Variants in WDPCP observed in about 807,000 individuals in gnomAD.
WDPCP encodes the protein WD repeat containing planar cell polarity effector.
Under a neutral mutation model 93.1 loss-of-function variants are expected in WDPCP, and 71 were observed. The ratio of observed to expected loss-of-function variants is 0.76; its 90% CI spans 0.63 to 0.93. WDPCP has a LOEUF of 0.93. Among genes scored for constraint, WDPCP ranks in the 40% least tolerant of loss-of-function variants. The pLI, the probability that WDPCP is intolerant of heterozygous loss-of-function variation, is 0.00. For missense variants in WDPCP, 844 were observed against 887.4 expected, an observed-to-expected ratio of 0.95 and a Z score of 0.62; for synonymous variants, 315 against 315.0, an observed-to-expected ratio of 1.00 and a Z score of 0.00.
At chr2:63,650,504 T>C (rs1389630217) in intron 3 of WDPCP, among the ~76,000 whole-genome samples, 1 of 152,212 alleles carries the variant, frequency 6.6e-6, no homozygotes, top group Non-Finnish European at 1.5e-5. Flanking sequence ...TTACTTGTCT[T>C]ATATGATCCA....
intron 2 of WDPCP, among the ~76,000 whole-genome samples, chr2:63,732,212 A>G (rs1054083700): frequency 3.9e-5 from 6 of 152,262 alleles, no homozygotes; most frequent in African/African-American, 1.4e-4. Context: ...CATTTAAGAC[A>G]TATAAAGAAT....
Position 63,746,995 on chromosome 2 carries a change from A to G in WDPCP, n.308+66627T>C, listed in dbSNP as rs139200698. The stretch of plus-strand genomic sequence containing the variant: ...CCTGCCTACATGTGATGTCTCTCCC[A>G]GACACCCAGCTTTAAAATTTCTCTC... On this transcript the variant is annotated intron_variant and non_coding_transcript_variant, in intron 2 of 4. Coordinates refer to the WDPCP transcript ENST00000467687. Among the ~76,000 whole-genome samples the G allele has an allele frequency of 4.1e-3, 625 of 152,132 alleles. 3 individuals are homozygous for G. Among genetic ancestry groups the G allele is most frequent in the African/African-American group, 0.014 (585 of 41,504 alleles).
intron 1 of WDPCP, among the ~76,000 whole-genome samples, chr2:63,529,781 C>T (rs148697861): frequency 6.6e-6 from 1 of 152,148 alleles, no homozygotes; most frequent in African/African-American, 2.4e-5. Context: ...GGTACCAGCT[C>T]CTCCTTGTAT....
chr2:63,726,102 A>G (rs1450335261), intron 2 of WDPCP, among the ~76,000 whole-genome samples: 3 of 152,222 alleles, frequency 2.0e-5, no homozygotes, highest in Non-Finnish European at 1.5e-5. Flanking sequence ...AGGCTTCATC[A>G]TGAAATATTT....
intron 14 of WDPCP, among the ~76,000 whole-genome samples, chr2:63,215,504 A>G (rs1559211649): frequency 6.6e-6 from 1 of 152,234 alleles, no homozygotes; most frequent in African/African-American, 2.4e-5. Context: ...CTGGCTAGCC[A>G]TATGTAGAAA....
chr2:63,338,753 C>T (rs1304974849), intron 12 of WDPCP, among the ~76,000 whole-genome samples: 1 of 151,198 alleles, frequency 6.6e-6, no homozygotes, highest in Non-Finnish European at 1.5e-5. Flanking sequence ...TGTTTTTATA[C>T]CAGTGCTATG....
At chr2:63,273,086 AT>A (rs1227510237) in intron 13 of WDPCP, among the ~76,000 whole-genome samples, 3 of 152,322 alleles carry the variant, frequency 2.0e-5, no homozygotes, top group African/African-American at 7.2e-5. Context: ...AGGATGATAT[AT>A]TCAAACTACT....
chr2:63,218,353 T>A (rs1677527098), intron 14 of WDPCP, among the ~76,000 whole-genome samples: 1 of 152,172 alleles, frequency 6.6e-6, no homozygotes, highest in Non-Finnish European at 1.5e-5. Flanking sequence ...GCACTATTAA[T>A]AAAAGTCAAA....
intron 3 of WDPCP, among the ~76,000 whole-genome samples, chr2:63,649,514 G>A (rs748379680): frequency 3.9e-5 from 6 of 152,142 alleles, no homozygotes; most frequent in Admixed American, 6.5e-5. Flanking sequence ...AAACACATTT[G>A]TGTACAAGAT....
intron 14 of WDPCP, among the ~76,000 whole-genome samples, chr2:63,246,651 G>A (rs948308739): frequency 6.6e-6 from 1 of 152,152 alleles, no homozygotes; most frequent in Non-Finnish European, 1.5e-5. Context: ...ACACAGTTGT[G>A]CGTGACTGGC....
intron 3 of WDPCP, among the ~76,000 whole-genome samples, chr2:63,636,803 TCAAGAATACA>T (rs1709925050): frequency 6.6e-6 from 1 of 152,136 alleles, no homozygotes; most frequent in South Asian, 2.1e-4. Context: ...GACAAGGGCT[TCAAGAATACA>T]CAATGAAGAA....
chr2:63,512,811 C>T lies in WDPCP; in HGVS notation c.76-19871G>A, dbSNP rs529378065. Among the ~76,000 whole-genome samples, 46 of 151,842 alleles carry T rather than the reference C, an allele frequency of 3.0e-4. 1 individual carries two copies. The South Asian group carries it at 7.7e-3, about 25-fold the overall frequency. ...AATGTAGATGATGGGTTGATGGGTT[C>T]AGCAAACCACCATGGCACATGTATA... On this transcript the variant is annotated intron_variant, in intron 1 of 17. Coordinates refer to ENST00000272321, the MANE Select transcript of WDPCP (RefSeq NM_015910.7).
At chr2:63,621,715 C>T (rs920796631) in intron 3 of WDPCP, among the ~76,000 whole-genome samples, 6 of 152,074 alleles carry the variant, frequency 3.9e-5, no homozygotes, top group Admixed American at 1.3e-4. Context: ...CCCCAAGACA[C>T]ATAATCATCA....
chr2:63,271,189 G>A (rs62177824), intron 13 of WDPCP, among the ~76,000 whole-genome samples: 28,532 of 152,198 alleles, frequency 0.19, 3,442 homozygotes, highest in Non-Finnish European at 0.28. Context: ...ACCAGAGCCT[G>A]AGAGCCAACT....
At chr2:63,602,934 CTTTTTTT>C in intron 3 of WDPCP, among the ~76,000 whole-genome samples, 1 of 131,622 alleles carries the variant, frequency 7.6e-6, no homozygotes, top group African/African-American at 2.7e-5. Flanking sequence ...TTTAACCGTT[CTTTTTTT>C]TTTTTTTTTT....
At chr2:63,135,791 G>C (rs1284772127) in intron 17 of WDPCP, among the ~76,000 whole-genome samples, 1 of 152,134 alleles carries the variant, frequency 6.6e-6, no homozygotes, top group Non-Finnish European at 1.5e-5. Context: ...GAGTGCAGAG[G>C]TGTGATTATG....
intron 12 of WDPCP, among the ~76,000 whole-genome samples, chr2:63,335,223 C>T (rs1238711462): frequency 6.6e-6 from 1 of 152,082 alleles, no homozygotes; most frequent in African/African-American, 2.4e-5. Flanking sequence ...CAATACTTGC[C>T]CTTTTCCCTT....
At chr2:63,816,881 A>C (rs1670939991) in intron 1 of WDPCP, among the ~76,000 whole-genome samples, 5 of 152,238 alleles carry the variant, frequency 3.3e-5, no homozygotes, top group Admixed American at 3.3e-4. Context: ...TCAGACGTGC[A>C]CTGTGTAATT....
intron 13 of WDPCP, among the ~76,000 whole-genome samples, chr2:63,312,464 A>C (rs1686253871): frequency 6.6e-6 from 1 of 152,210 alleles, no homozygotes; most frequent in South Asian, 2.1e-4. Flanking sequence ...TTTAAACTAC[A>C]AAATGTCTTA....
Sources: allele counts gnomAD v4.1 joint callset (sites outside exome capture counted in the v4.1 genomes callset), GRCh38; gene constraint gnomAD v4.1.1; transcripts MANE v1.5; gene names NCBI Gene and HGNC (gene_info 2026-07-23, HGNC 2026-07-21).